The following HSD17B3 variants were observed in gnomAD, a reference collection of about 807,000 sequenced individuals.
HSD17B3 encodes hydroxysteroid 17-beta dehydrogenase 3.
In HSD17B3, 29 loss-of-function variants were observed where a neutral mutation model predicts 41.1. The ratio of observed to expected loss-of-function variants is 0.71; its 90% CI spans 0.53 to 0.96. HSD17B3 has a LOEUF of 0.96. Among genes scored for constraint, HSD17B3 ranks in the 40% least tolerant of loss-of-function variants. HSD17B3 has a pLI of 0.00. For synonymous variants in HSD17B3, 126 were observed against 145.6 expected (o/e 0.87, Z 0.97); for missense variants, 323 against 374.6 (o/e 0.86, Z 1.14).
chr9:96,269,827 C>T (rs1826172575), intron 2 of HSD17B3, among the ~76,000 whole-genome samples: 1 of 151,272 alleles, frequency 6.6e-6, no homozygotes, highest in African/African-American at 2.4e-5. Context: ...TCACCTGAAC[C>T]CAGGAGGCAA....
At chr9:96,237,810 A>C (rs1440087137) in intron 10 of HSD17B3, among the ~76,000 whole-genome samples, 1 of 152,162 alleles carries the variant, frequency 6.6e-6, no homozygotes, top group African/African-American at 2.4e-5. Flanking sequence ...AGAATCTGTT[A>C]TCTAAGAAAT....
At position 96,298,429 on chromosome 9, in the gene HSD17B3, G is replaced by A. The variant is rs1220119827; in HGVS notation, c.188C>T (p.Ala63Val). 4.3e-6 allele frequency: 7 copies of A among 1,613,450 alleles called. No individual in the cohort carries two copies. The highest frequency in any genetic ancestry group is 1.6e-4 in the Middle Eastern group (1 of 6,084). Reference sequence around the variant, plus strand: ...AAGATAGCTTACCTCGAACGAGTACGCTTTCCCAATTCCATCGCCTGCTCC... The same window carrying A: ...AAGATAGCTTACCTCGAACGAGTACACTTTCCCAATTCCATCGCCTGCTCC... The part of the protein sequence containing the change: ...ITGAGDGIGK[A>V]YSFELAKRGL... Residue 63 changes from alanine (A) to valine (V), a missense_variant, in exon 2 of 11, where the codon GCG becomes GTG. Transcript: ENST00000375263.
intron 9 of HSD17B3, among the ~76,000 whole-genome samples, chr9:96,242,697 G>A (rs1042784006): frequency 1.3e-5 from 2 of 152,112 alleles, no homozygotes; most frequent in African/African-American, 4.8e-5. Flanking sequence ...AGGGACAAGG[G>A]ACTCCATTTC....
At chr9:96,240,003 A>G (rs1564021583) in intron 10 of HSD17B3, 1 of 151,614 alleles carries the variant, frequency 6.6e-6, no homozygotes, top group Non-Finnish European at 1.5e-5. Flanking sequence ...GTTCTCACTC[A>G]TAAGTGGGAG....
At position 96,262,433 on chromosome 9, in the gene HSD17B3, G is replaced by A. The variant is rs187360029; in HGVS notation, c.202-7490C>T. The stretch of plus-strand genomic sequence containing the variant: ...TAATTTTTGTATTTTCAGTAGACAC[G>A]GGGTTTCACGGGGTTTTGGCCAGGC... On this transcript the variant is annotated intron_variant, in intron 2 of 10. Transcript: ENST00000375263. Among the ~76,000 whole-genome samples the A allele has an allele frequency of 3.2e-3, 484 of 151,420 alleles. 5 individuals are homozygous for A. Among genetic ancestry groups the A allele is most frequent in the East Asian group, 0.015 (75 of 5,140 alleles).
At chr9:96,274,350 G>A (rs1351645446) in intron 2 of HSD17B3, among the ~76,000 whole-genome samples, 1 of 152,116 alleles carries the variant, frequency 6.6e-6, no homozygotes, top group Non-Finnish European at 1.5e-5. Flanking sequence ...ATCCCAGCTG[G>A]CTCAGGAGGC....
At chr9:96,269,057 A>G (rs757656888) in intron 2 of HSD17B3, among the ~76,000 whole-genome samples, 1 of 149,806 alleles carries the variant, frequency 6.7e-6, no homozygotes, top group Non-Finnish European at 1.5e-5. Context: ...TCGTGCCAAC[A>G]TCATAGAGTG....
At position 96,273,818 on chromosome 9, in the gene HSD17B3, G is replaced by A. The variant is rs377652986; in HGVS notation, c.202-18875C>T. Among the ~76,000 whole-genome samples the A allele has an allele frequency of 6.4e-4, 98 of 152,158 alleles. 1 individual carries two copies. Among genetic ancestry groups the A allele is most frequent in the Middle Eastern group, 3.4e-3 (1 of 294 alleles). The stretch of plus-strand genomic sequence containing the variant: ...GCTTGGAGTCCACAGCATTGCACAC[G>A]CACCCCACCCCCAGGGCCAGAGTTA... On this transcript the variant is annotated intron_variant, in intron 2 of 10. Transcript: ENST00000375263.
chr9:96,264,671 C>T (rs1275059268), intron 2 of HSD17B3, among the ~76,000 whole-genome samples: 1 of 152,174 alleles, frequency 6.6e-6, no homozygotes, highest in Non-Finnish European at 1.5e-5. Flanking sequence ...CCACGTCCAG[C>T]CCCCACACTG....
At chr9:96,289,192 G>GGTGTGT (rs67271328) in intron 2 of HSD17B3, among the ~76,000 whole-genome samples, 2,086 of 148,202 alleles carry the variant, frequency 0.014, 52 homozygotes, top group African/African-American at 0.05. Flanking sequence ...TTGATTTCCT[G>GGTGTGT]GTGTGTGTGT....
At chr9:96,268,303 T>A (rs1826115065) in intron 2 of HSD17B3, among the ~76,000 whole-genome samples, 1 of 152,180 alleles carries the variant, frequency 6.6e-6, no homozygotes, top group Non-Finnish European at 1.5e-5. Flanking sequence ...AATAAACTCA[T>A]TTCCTGCTTA....
intron 10 of HSD17B3, 50 bp from the exon 11 acceptor site, chr9:96,235,620 C>G (rs1836205966): frequency 7.3e-7 from 1 of 1,375,146 alleles, no homozygotes; most frequent in Non-Finnish European, 1.0e-6. Flanking sequence ...TAACAAGTAC[C>G]TCAGTTCATC....
chr9:96,242,933 C>T (rs1407145041), intron 9 of HSD17B3, among the ~76,000 whole-genome samples: 1 of 152,174 alleles, frequency 6.6e-6, no homozygotes, highest in Non-Finnish European at 1.5e-5. Context: ...TGTGTAGGAC[C>T]ATGCAAGCAG....
Position 96,249,745 on chromosome 9 carries a change from A to C in HSD17B3, c.489+6T>G. ...AATGCATTTCGCACATATATTGATC[A>C]CATACCTTGACTACGGAGGTGATGT... On this transcript the variant is annotated splice_donor_region_variant and intron_variant, in intron 6 of 10. Transcript: ENST00000375263. 6.2e-7 allele frequency: 1 copy of C among 1,613,800 alleles called. No homozygotes were observed.
At position 96,249,739 on chromosome 9, in the gene HSD17B3, T is replaced by G. The variant is rs200891682; in HGVS notation, c.489+12A>C. The G allele has an allele frequency of 6.2e-7, 1 of 1,613,510 alleles. No individual in the cohort carries two copies. The highest frequency in any genetic ancestry group is 2.2e-5 in the East Asian group (1 of 44,880). On this transcript the variant is annotated intron_variant, in intron 6 of 10. Coordinates refer to ENST00000375263, the MANE Select transcript of HSD17B3 (RefSeq NM_000197.2). Reference sequence around the variant, plus strand: ...CATGTTAATGCATTTCGCACATATATTGATCACATACCTTGACTACGGAGG... The same window carrying G: ...CATGTTAATGCATTTCGCACATATAGTGATCACATACCTTGACTACGGAGG...
At chr9:96,269,845 C>T (rs771597283) in intron 2 of HSD17B3, among the ~76,000 whole-genome samples, 1 of 149,042 alleles carries the variant, frequency 6.7e-6, no homozygotes. Flanking sequence ...CAAAAGTTGC[C>T]GTGAGCCAAG....
At chr9:96,246,709 C>T (rs1298681725) in intron 6 of HSD17B3, 119 bp from the exon 7 acceptor site, 12 of 898,790 alleles carry the variant, frequency 1.3e-5, no homozygotes, top group South Asian at 9.5e-5. Context: ...TCTTCTCAGA[C>T]GGCCTTGAAA....
intron 5 of HSD17B3, 115 bp from the exon 6 acceptor site, chr9:96,249,901 A>G (rs750788008): frequency 1.3e-5 from 20 of 1,590,114 alleles, no homozygotes; most frequent in Non-Finnish European, 1.3e-5. Context: ...GAACGGTTTC[A>G]TCACTCACCC....
intron 2 of HSD17B3, among the ~76,000 whole-genome samples, chr9:96,295,465 G>A (rs58939415): frequency 0.027 from 4,070 of 152,010 alleles, 125 homozygotes; most frequent in South Asian, 0.067. Context: ...CTCCCAAGTA[G>A]CTGGGATTAC....
Sources: allele counts gnomAD v4.1 joint callset (sites outside exome capture counted in the v4.1 genomes callset), GRCh38; gene constraint gnomAD v4.1.1; transcripts MANE v1.5; gene names NCBI Gene and HGNC (gene_info 2026-07-23, HGNC 2026-07-21).